Variants in CDH13 observed in about 807,000 individuals in gnomAD.
CDH13 encodes the protein cadherin 13, also known as cadherin-13.
In CDH13, 24 loss-of-function variants were observed where a neutral mutation model predicts 63.8. The observed-to-expected ratio is 0.38, with a 90% CI of 0.27 to 0.53. The LOEUF (loss-of-function observed/expected upper bound fraction) is 0.53, where lower values mean the gene tolerates loss of function less well. CDH13 is among the 20% of genes least tolerant of loss of function. The pLI is 0.85. For synonymous variants in CDH13, 503 were observed against 355.3 expected (o/e 1.42, Z -4.67); for missense variants, 1,049 against 903.1 (o/e 1.16, Z -2.07).
intron 5 of CDH13, among the ~76,000 whole-genome samples, chr16:83,255,605 C>A (rs1157305277): frequency 6.6e-6 from 1 of 152,178 alleles, no homozygotes; most frequent in Non-Finnish European, 1.5e-5. Context: ...ACATCAATGT[C>A]TCATTTAACT....
At chr16:83,530,713 A>G (rs191955273) in intron 7 of CDH13, among the ~76,000 whole-genome samples, 8 of 152,320 alleles carry the variant, frequency 5.3e-5, no homozygotes, top group Admixed American at 5.2e-4. Flanking sequence ...TGGAAGACTG[A>G]GGTTCACAGA....
chr16:82,635,959 C>A lies in CDH13; in HGVS notation c.45+8822C>A, dbSNP rs541616418. 2.6e-5 allele frequency among the ~76,000 whole-genome samples: 4 copies of A among 152,142 alleles called. No individual in the cohort carries two copies. In the East Asian group the frequency reaches 7.7e-4, roughly 29 times the overall value. On this transcript the variant is annotated intron_variant, in intron 1 of 13. Transcript: ENST00000567109. Reference sequence around the variant, plus strand: ...CCTCCTTCGCCTTCCCCTTCTGCCACGATTGTAAGTTTCCTGAGGCCTTTG... The same window carrying A: ...CCTCCTTCGCCTTCCCCTTCTGCCAAGATTGTAAGTTTCCTGAGGCCTTTG...
At chr16:83,399,196 A>C (rs1177012953) in intron 6 of CDH13, among the ~76,000 whole-genome samples, 1 of 152,212 alleles carries the variant, frequency 6.6e-6, no homozygotes, top group African/African-American at 2.4e-5. Flanking sequence ...TTTGGCTATG[A>C]GAATTTGGGT....
intron 1 of CDH13, chr16:82,825,916 C>G (rs377449506): frequency 1.3e-5 from 2 of 152,004 alleles, no homozygotes; most frequent in Non-Finnish European, 2.9e-5. Context: ...TGCAGTGGTG[C>G]GATCTTGGCT....
chr16:82,685,962 A>C (rs556913715), intron 1 of CDH13, among the ~76,000 whole-genome samples: 1 of 152,316 alleles, frequency 6.6e-6, no homozygotes, highest in South Asian at 2.1e-4. Context: ...ATCATGATGA[A>C]TAGGCACAGA....
intron 1 of CDH13, among the ~76,000 whole-genome samples, chr16:82,842,627 A>C (rs1452525673): frequency 6.6e-6 from 1 of 152,062 alleles, no homozygotes. Flanking sequence ...CATGGAAGAC[A>C]ATTTTCCCAT....
chr16:83,124,831 G>A (rs1325324924), intron 3 of CDH13, among the ~76,000 whole-genome samples: 1 of 152,074 alleles, frequency 6.6e-6, no homozygotes, highest in Non-Finnish European at 1.5e-5. Context: ...AGATCAGTTG[G>A]TTGTAGGTAT....
intron 6 of CDH13, among the ~76,000 whole-genome samples, chr16:83,456,065 A>G (rs1339353420): frequency 3.9e-5 from 6 of 152,186 alleles, no homozygotes; most frequent in African/African-American, 1.4e-4. Flanking sequence ...CTGCGTTCCA[A>G]TATCCAGCCC....
At chr16:82,632,468 C>T (rs1908130027) in intron 1 of CDH13, among the ~76,000 whole-genome samples, 1 of 152,036 alleles carries the variant, frequency 6.6e-6, no homozygotes, top group African/African-American at 2.4e-5. Flanking sequence ...GACATAGCAC[C>T]CAGATCATTG....
At chr16:83,196,679 A>G (rs1225350437) in intron 4 of CDH13, among the ~76,000 whole-genome samples, 1 of 152,236 alleles carries the variant, frequency 6.6e-6, no homozygotes. Flanking sequence ...AAATAAGCTC[A>G]TGAACAAATG....
chr16:83,445,692 C>T (rs2072666665), intron 6 of CDH13, among the ~76,000 whole-genome samples: 1 of 152,148 alleles, frequency 6.6e-6, no homozygotes, highest in African/African-American at 2.4e-5. Context: ...TAGATGTTTT[C>T]ATCACGTGGC....
intron 6 of CDH13, among the ~76,000 whole-genome samples, chr16:83,417,363 C>A (rs968997857): frequency 6.6e-6 from 1 of 152,172 alleles, no homozygotes; most frequent in Non-Finnish European, 1.5e-5. Context: ...TGTGAATTAG[C>A]AAATGCTGCA....
At chr16:82,806,705 G>C (rs1016641553) in intron 1 of CDH13, among the ~76,000 whole-genome samples, 2 of 151,998 alleles carry the variant, frequency 1.3e-5, no homozygotes, top group Admixed American at 1.3e-4. Context: ...AGCTCTGCAG[G>C]GCAGGGAGAG....
chr16:83,454,805 C>T (rs1306576887), intron 6 of CDH13, among the ~76,000 whole-genome samples: 1 of 152,122 alleles, frequency 6.6e-6, no homozygotes, highest in Non-Finnish European at 1.5e-5. Flanking sequence ...CTCCCGGGTT[C>T]CAGCAATTCT....
chr16:83,353,183 C>T (rs527262330), intron 6 of CDH13, among the ~76,000 whole-genome samples: 1 of 152,344 alleles, frequency 6.6e-6, no homozygotes, highest in East Asian at 1.9e-4. Context: ...TGCCACATGT[C>T]CGTGTAACGA....
chr16:83,761,982 G>A (rs1167351106), intron 11 of CDH13, among the ~76,000 whole-genome samples: 5 of 152,212 alleles, frequency 3.3e-5, no homozygotes, highest in South Asian at 2.1e-4. Flanking sequence ...CAGGAGAATC[G>A]CTTGACCCTG....
At chr16:83,524,392 G>T (rs917021410) in intron 7 of CDH13, among the ~76,000 whole-genome samples, 7 of 150,902 alleles carry the variant, frequency 4.6e-5, no homozygotes, top group Non-Finnish European at 8.9e-5. Context: ...AGGTCTTCCA[G>T]CCTGTCTAGC....
intron 1 of CDH13, among the ~76,000 whole-genome samples, chr16:82,802,961 A>C (rs6565070): frequency 6.6e-6 from 1 of 152,140 alleles, no homozygotes; most frequent in Non-Finnish European, 1.5e-5. Flanking sequence ...CAGAAACTCT[A>C]AAATACTTAC....
chr16:82,627,327 C>G (rs1210014748), intron 1 of CDH13, among the ~76,000 whole-genome samples, 190 bp downstream of exon 1: 1 of 129,798 alleles, frequency 7.7e-6, no homozygotes, highest in African/African-American at 2.7e-5. Context: ...CAGGCTCCCA[C>G]TCTGGCGTGC....
Sources: allele counts gnomAD v4.1 joint callset (sites outside exome capture counted in the v4.1 genomes callset), GRCh38; gene constraint gnomAD v4.1.1; transcripts MANE v1.5; gene names NCBI Gene and HGNC (gene_info 2026-07-23, HGNC 2026-07-21).